RFX7: variants seen among roughly 807,000 people sequenced by gnomAD.
The protein encoded by RFX7 is regulatory factor X7.
In RFX7, 26 loss-of-function variants were observed where a neutral mutation model predicts 111.8. The observed-to-expected ratio is 0.23, with a 90% CI of 0.17 to 0.32. RFX7 has a LOEUF of 0.32. RFX7 is among the 10% of genes least tolerant of loss of function. The pLI is 1.00. For synonymous variants in RFX7, 624 were observed against 624.4 expected, an observed-to-expected ratio of 1.00 and a Z score of 0.01; for missense variants, 1,573 against 1,772.9, an observed-to-expected ratio of 0.89 and a Z score of 2.02.
At chr15:56,184,193 A>ATTTTTT (rs35880948) in intron 2 of RFX7, among the ~76,000 whole-genome samples, 18 of 80,716 alleles carry the variant, frequency 2.2e-4, no homozygotes, top group African/African-American at 2.5e-4. Context: ...CTAATTTTGT[A>ATTTTTT]TTTTTTTTTT....
rs767843728 is a variant in RFX7, at chr15:56,095,875, T to C, written c.1853A>G (p.Asn618Ser). The change falls in exon 10 of 10, where the codon AAT (asparagine) becomes AGT (serine). Residue 618 changes from asparagine to serine, a missense_variant. Coordinates refer to ENST00000559447, the MANE Select transcript of RFX7 (RefSeq NM_022841.7). ...AACTGATAGAGTGATAGTGCTTTGA[T>C]TATTGCCTGTTGACGTGCCTGGCAG... Reference protein sequence around the residue: ...EMLPGTSTGNNQSTITLSVAS... With the variant: ...EMLPGTSTGNSQSTITLSVAS... 2 of 1,605,876 alleles carry C rather than the reference T, an allele frequency of 1.2e-6. No homozygotes were observed.
Position 56,090,120 on chromosome 15 carries a change from T to C in RFX7, c.*3225A>G, listed in dbSNP as rs1266003416. ...CAAATTCATTACACTTATCAGTTTG[T>C]TATTTCTGGTACCTGGAAATGTCTA... On this transcript the variant is annotated 3_prime_UTR_variant, in exon 10 of 10. Coordinates refer to ENST00000559447, the MANE Select transcript of RFX7 (RefSeq NM_022841.7). 2 of 152,204 alleles carry C rather than the reference T, an allele frequency of 1.3e-5. No individual in the cohort carries two copies. The highest frequency in any genetic ancestry group is 2.9e-5 in the Non-Finnish European group (2 of 68,018). The allele number at this position is 152,204 out of a possible 1,614,324, so 9.4% of individuals were successfully genotyped here.
chr15:56,155,832 TTTA>T (rs2042645173), intron 3 of RFX7, among the ~76,000 whole-genome samples: 1 of 151,560 alleles, frequency 6.6e-6, no homozygotes, highest in South Asian at 2.1e-4. Context: ...TCATTCATTT[TTTA>T]GATTAGTATT....
intron 2 of RFX7, among the ~76,000 whole-genome samples, chr15:56,236,105 T>C (rs1444887857): frequency 1.3e-5 from 2 of 152,148 alleles, no homozygotes; most frequent in African/African-American, 2.4e-5. Flanking sequence ...CTTTTTGTTA[T>C]ATATATATGA....
Position 56,096,566 on chromosome 15 carries a change from C to A in RFX7, c.1162G>T (p.Gly388Cys). Residue 388 changes from glycine to cysteine, a missense_variant, in exon 10 of 10, where the codon GGC becomes TGC. By Grantham distance (159) the Gly-to-Cys change is radical. This residue lies in a region of RFX7 where 288 missense variants were observed against 337.9 expected (regional missense o/e 0.85). Transcript: ENST00000559447. ...TSPSPMSSSDGKVLPLNVQVV... is the reference protein window; with the variant it reads ...TSPSPMSSSDCKVLPLNVQVV... The stretch of plus-strand genomic sequence containing the variant: ...TGTACATTGAGGGGAAGAACTTTGC[C>A]GTCAGAAGAACTCATTGGACTCGGT... The A allele has an allele frequency of 6.3e-7, 1 of 1,598,420 alleles. No individual in the cohort carries two copies.
chr15:56,131,481 A>T (rs2042217339), intron 5 of RFX7, among the ~76,000 whole-genome samples: 1 of 151,986 alleles, frequency 6.6e-6, no homozygotes, highest in African/African-American at 2.4e-5. Flanking sequence ...CTGGTCTTAA[A>T]CTTCTGGCCT....
intron 2 of RFX7, among the ~76,000 whole-genome samples, chr15:56,219,879 A>C (rs569575562): frequency 6.6e-6 from 1 of 152,294 alleles, no homozygotes; most frequent in South Asian, 2.1e-4. Flanking sequence ...TTGGGTATAT[A>C]CCCAATAATG....
At chr15:56,168,584 GT>G (rs2042809286) in intron 3 of RFX7, among the ~76,000 whole-genome samples, 1 of 152,156 alleles carries the variant, frequency 6.6e-6, no homozygotes, top group Non-Finnish European at 1.5e-5. Context: ...TGACTAATAT[GT>G]TGTCTCATGA....
In RFX7 at chr15:56,092,265, G is replaced by A. The variant is rs117616339; in HGVS notation, c.*1080C>T. 3,109 of 152,572 alleles carry A rather than the reference G, an allele frequency of 0.02. 65 individuals are homozygous for A. The highest frequency in any genetic ancestry group is 0.066 in the South Asian group (320 of 4,822). 9.5% of individuals were successfully genotyped at this position (152,572 alleles called of 1,614,324 possible). A position where few individuals can be genotyped will look rare whatever the true frequency, so the allele number is the denominator to read the frequency against. On this transcript the variant is annotated 3_prime_UTR_variant, in exon 10 of 10. Transcript: ENST00000559447. The stretch of plus-strand genomic sequence containing the variant: ...AGATTTGTGGCTTCAGACCTTAGGT[G>A]GTGAAATGTTTTTTGTTGTTTTTTA...
chr15:56,099,648 C>A (rs1221294012), intron 8 of RFX7, among the ~76,000 whole-genome samples: 1 of 151,940 alleles, frequency 6.6e-6, no homozygotes, highest in Admixed American at 6.6e-5. Flanking sequence ...AAAAAATTCA[C>A]CTTCAAAGGA....
intron 3 of RFX7, among the ~76,000 whole-genome samples, chr15:56,151,114 T>C (rs2042563617): frequency 6.6e-6 from 1 of 151,706 alleles, no homozygotes; most frequent in South Asian, 2.1e-4. Context: ...ACAGGGAGAA[T>C]GGAACTAAGT....
At position 56,093,863 on chromosome 15, in the gene RFX7, G is replaced by A. The variant is rs768916581; in HGVS notation, c.3865C>T (p.Pro1289Ser). Reference protein sequence around the residue: ...ARMNLTQILEPSTVFPSANPQ... With the variant: ...ARMNLTQILESSTVFPSANPQ... ...TTGGCACTAGGAAAAACAGTGGAAG[G>A]TTCCAAAATCTGAGTGAGATTCATC... The change falls in exon 10 of 10, where the codon CCT becomes TCT. Residue 1289 changes from proline to serine, a missense_variant. Physicochemically the swap from Pro to Ser is moderately conservative, Grantham distance 74 (BLOSUM62 -1). This residue lies in a region of RFX7 where 411 missense variants were observed against 478.1 expected (regional missense o/e 0.86). Coordinates refer to ENST00000559447, the MANE Select transcript of RFX7 (RefSeq NM_022841.7). The A allele has an allele frequency of 2.5e-6, 4 of 1,613,812 alleles. No individual in the cohort carries two copies. The highest frequency in any genetic ancestry group is 2.2e-5 in the East Asian group (1 of 44,884).
intron 3 of RFX7, among the ~76,000 whole-genome samples, chr15:56,160,031 C>T (rs1432069111): frequency 6.6e-6 from 1 of 152,116 alleles, no homozygotes; most frequent in Non-Finnish European, 1.5e-5. Context: ...CCTGTAACGA[C>T]AATCTTCCCT....
intron 4 of RFX7, among the ~76,000 whole-genome samples, chr15:56,143,114 C>G (rs1334376554): frequency 6.6e-6 from 1 of 152,076 alleles, no homozygotes; most frequent in Non-Finnish European, 1.5e-5. Context: ...CTCCATCCCT[C>G]CCCATGCAGG....
chr15:56,144,569 G>T, intron 3 of RFX7, 86 bp from the exon 4 acceptor site: 1 of 502,144 alleles, frequency 2.0e-6, no homozygotes, highest in South Asian at 1.8e-5. Context: ...CTCCCTAAAC[G>T]ATAATGACTA....
At chr15:56,145,097 C>A (rs1217824354) in intron 3 of RFX7, among the ~76,000 whole-genome samples, 1 of 152,170 alleles carries the variant, frequency 6.6e-6, no homozygotes, top group Non-Finnish European at 1.5e-5. Context: ...AGAGAATCTA[C>A]TTGTAAGATT....
chr15:56,153,112 G>C (rs758166529), intron 3 of RFX7, among the ~76,000 whole-genome samples: 36 of 152,268 alleles, frequency 2.4e-4, no homozygotes, highest in Middle Eastern at 3.4e-3. Context: ...CGGATTCACA[G>C]CCGAATTCTA....
chr15:56,113,549 A>T (rs1396745615), intron 5 of RFX7, among the ~76,000 whole-genome samples: 1 of 152,122 alleles, frequency 6.6e-6, no homozygotes, highest in African/African-American at 2.4e-5. Flanking sequence ...CTAATGCATG[A>T]GGGGCTTAAT....
intron 2 of RFX7, among the ~76,000 whole-genome samples, chr15:56,224,723 C>A (rs562870290): frequency 1.1e-4 from 16 of 151,952 alleles, no homozygotes; most frequent in Non-Finnish European, 2.2e-4. Flanking sequence ...GTAGTAACTT[C>A]TATTTTCACT....
Sources: allele counts gnomAD v4.1 joint callset (sites outside exome capture counted in the v4.1 genomes callset), GRCh38; gene constraint gnomAD v4.1.1; regional missense constraint gnomAD v4.1.1; transcripts MANE v1.5; gene names NCBI Gene and HGNC (gene_info 2026-07-23, HGNC 2026-07-21).